FBXL7: variants seen among roughly 807,000 people sequenced by gnomAD.
FBXL7 encodes F-box/LRR-repeat protein 7.
Under a neutral mutation model 38.3 loss-of-function variants are expected in FBXL7, and 12 were observed. The ratio of observed to expected loss-of-function variants is 0.31; its 90% CI spans 0.20 to 0.51. The LOEUF (loss-of-function observed/expected upper bound fraction) is 0.51. Ranked by LOEUF, FBXL7 falls within the 20% of genes least tolerant of loss-of-function variation. FBXL7 has a pLI of 0.98. For missense variants in FBXL7, 567 were observed against 676.4 expected, an observed-to-expected ratio of 0.84 and a Z score of 1.79; for synonymous variants, 297 against 300.9, an observed-to-expected ratio of 0.99 and a Z score of 0.13.
chr5:15,501,234 G>A (rs1736477876), intron 1 of FBXL7, among the ~76,000 whole-genome samples: 1 of 152,130 alleles, frequency 6.6e-6, no homozygotes, highest in Admixed American at 6.5e-5. Flanking sequence ...GGCGTGGAAT[G>A]GCTGGGGGCT....
chr5:15,638,643 T>A (rs1580426231), intron 2 of FBXL7, among the ~76,000 whole-genome samples: 1 of 151,702 alleles, frequency 6.6e-6, no homozygotes, highest in East Asian at 1.9e-4. Flanking sequence ...AGGGTGGGGG[T>A]GATGCTGACT....
At chr5:15,813,835 A>G (rs1401561935) in intron 2 of FBXL7, among the ~76,000 whole-genome samples, 1 of 152,246 alleles carries the variant, frequency 6.6e-6, no homozygotes, top group African/African-American at 2.4e-5. Context: ...AAAGCTCATC[A>G]TCACTAGTCA....
At chr5:15,887,544 G>A (rs1412872362) in intron 2 of FBXL7, among the ~76,000 whole-genome samples, 1 of 152,198 alleles carries the variant, frequency 6.6e-6, no homozygotes, top group East Asian at 1.9e-4. Flanking sequence ...TGTTGGAAAT[G>A]GCTCCAAACC....
intron 2 of FBXL7, among the ~76,000 whole-genome samples, chr5:15,624,955 C>A (rs998491859): frequency 2.0e-5 from 3 of 151,334 alleles, no homozygotes; most frequent in Non-Finnish European, 4.4e-5. Context: ...TCTCTTGCCA[C>A]TTGATCTCTT....
chr5:15,500,505 A>T lies in FBXL7; in HGVS notation c.-172A>T, dbSNP rs542353119. 4.2e-4 allele frequency: 349 copies of T among 835,024 alleles called. 2 individuals are homozygous for T. In the East Asian group the frequency reaches 8.6e-3, roughly 21 times the overall value. 51.7% of individuals were successfully genotyped at this position (835,024 alleles called of 1,614,324 possible). On this transcript the variant is annotated 5_prime_UTR_variant, in exon 1 of 4. Transcript: ENST00000504595. ...CGGGGGTGCCAGGAGGGGACGCAGC[A>T]CCCCCTCCCACTGGAGTGCGGGGAC...
chr5:15,520,494 A>G (rs1737068085), intron 1 of FBXL7, among the ~76,000 whole-genome samples: 1 of 152,218 alleles, frequency 6.6e-6, no homozygotes, highest in Admixed American at 6.5e-5. Context: ...TTTATGGTTT[A>G]TATGTATACG....
intron 2 of FBXL7, among the ~76,000 whole-genome samples, chr5:15,712,179 T>C (rs1428840078): frequency 6.6e-6 from 1 of 152,208 alleles, no homozygotes; most frequent in Non-Finnish European, 1.5e-5. Context: ...AATGCTTACA[T>C]ACAAAGTCAA....
At chr5:15,852,903 C>CT (rs1561152779) in intron 2 of FBXL7, among the ~76,000 whole-genome samples, 1 of 152,136 alleles carries the variant, frequency 6.6e-6, no homozygotes, top group Non-Finnish European at 1.5e-5. Context: ...ATAAGTAAGA[C>CT]TTTCCTGGGA....
At chr5:15,750,427 A>T (rs1381836015) in intron 2 of FBXL7, among the ~76,000 whole-genome samples, 6 of 152,278 alleles carry the variant, frequency 3.9e-5, no homozygotes, top group Non-Finnish European at 8.8e-5. Flanking sequence ...TTGCTATCAC[A>T]CTATCCTCTG....
At chr5:15,584,966 A>C (rs952801397) in intron 1 of FBXL7, among the ~76,000 whole-genome samples, 4 of 152,214 alleles carry the variant, frequency 2.6e-5, no homozygotes, top group Non-Finnish European at 5.9e-5. Context: ...AGTTGTGTGG[A>C]GTTGTTAACA....
At chr5:15,569,387 T>C (rs1334260102) in intron 1 of FBXL7, among the ~76,000 whole-genome samples, 2 of 151,154 alleles carry the variant, frequency 1.3e-5, no homozygotes, top group Admixed American at 6.6e-5. Flanking sequence ...TTTGGCTCTC[T>C]GTTTGTCTGT....
Position 15,684,593 on chromosome 5 carries a change from G to A in FBXL7, c.127+68521G>A, listed in dbSNP as rs79927671. On this transcript the variant is annotated intron_variant, in intron 2 of 3. Transcript: ENST00000504595. ...TACAGATCTTGAGATACAGAGATTG[G>A]CCTTGGATTATCCAGGTAAATCCAG... Among the ~76,000 whole-genome samples, 1,123 of 152,306 alleles carry A rather than the reference G, an allele frequency of 7.4e-3. 13 individuals carry two copies. The highest frequency in any genetic ancestry group is 0.026 in the African/African-American group (1,060 of 41,560).
At chr5:15,842,416 C>A (rs1381963593) in intron 2 of FBXL7, among the ~76,000 whole-genome samples, 2 of 152,152 alleles carry the variant, frequency 1.3e-5, no homozygotes, top group African/African-American at 4.8e-5. Context: ...AACTTTCTTT[C>A]GAATTTACAG....
chr5:15,752,281 A>C (rs1736174760), intron 2 of FBXL7, among the ~76,000 whole-genome samples: 1 of 151,480 alleles, frequency 6.6e-6, no homozygotes, highest in East Asian at 1.9e-4. Flanking sequence ...AATAAAAATA[A>C]AATAAAATTG....
At chr5:15,799,550 CG>C (rs1737505767) in intron 2 of FBXL7, among the ~76,000 whole-genome samples, 1 of 151,882 alleles carries the variant, frequency 6.6e-6, no homozygotes, top group Non-Finnish European at 1.5e-5. Context: ...TTAGTAGAGA[CG>C]GGGTTTGTCC....
At chr5:15,635,107 C>T (rs1023812852) in intron 2 of FBXL7, among the ~76,000 whole-genome samples, 1 of 152,016 alleles carries the variant, frequency 6.6e-6, no homozygotes, top group African/African-American at 2.4e-5. Flanking sequence ...TATATAATAG[C>T]TCACAAGTTT....
intron 2 of FBXL7, among the ~76,000 whole-genome samples, chr5:15,737,460 A>G (rs1735785488): frequency 6.6e-6 from 1 of 152,226 alleles, no homozygotes; most frequent in Non-Finnish European, 1.5e-5. Context: ...TGAAATTAAA[A>G]AGAAGTAAAC....
chr5:15,574,469 T>A (rs1403274072), intron 1 of FBXL7, among the ~76,000 whole-genome samples: 1 of 152,222 alleles, frequency 6.6e-6, no homozygotes, highest in African/African-American at 2.4e-5. Context: ...AATTTACAGA[T>A]AGTAGGTGCA....
At chr5:15,837,367 A>T (rs1436201635) in intron 2 of FBXL7, among the ~76,000 whole-genome samples, 1 of 152,204 alleles carries the variant, frequency 6.6e-6, no homozygotes, top group African/African-American at 2.4e-5. Flanking sequence ...ATTCTAAAGC[A>T]TTTTAAGGGA....
Sources: allele counts gnomAD v4.1 joint callset (sites outside exome capture counted in the v4.1 genomes callset), GRCh38; gene constraint gnomAD v4.1.1; transcripts MANE v1.5; gene names NCBI Gene and HGNC (gene_info 2026-07-23, HGNC 2026-07-21).